The following SLIT2 variants were observed in gnomAD, a reference collection of about 807,000 sequenced individuals.
SLIT2 encodes the protein slit guidance ligand 2, also known as slit homolog 2 protein.
In SLIT2, 41 loss-of-function variants were observed where a neutral mutation model predicts 185.7. The ratio of observed to expected loss-of-function variants is 0.22; its 90% CI spans 0.17 to 0.29. The LOEUF (loss-of-function observed/expected upper bound fraction) is 0.29, where lower values mean the gene tolerates loss of function less well. Among genes scored for constraint, SLIT2 ranks in the 10% least tolerant of loss-of-function variants. The pLI is 1.00. For missense variants in SLIT2, 1,571 were observed against 1,909.0 expected (o/e 0.82, Z 3.30); for synonymous variants, 693 against 680.2 (o/e 1.02, Z -0.29).
chr4:20,553,735 TTGTG>T (rs3830489), intron 25 of SLIT2, 66 bp from the exon 26 acceptor site: 312 of 1,115,910 alleles, frequency 2.8e-4, no homozygotes, highest in South Asian at 5.2e-4. Flanking sequence ...ACTTCCATAC[TTGTG>T]TGTGTGTGTG....
intron 4 of SLIT2, among the ~76,000 whole-genome samples, chr4:20,387,830 C>T (rs551356960): frequency 6.6e-6 from 1 of 152,190 alleles, no homozygotes; most frequent in Non-Finnish European, 1.5e-5. Context: ...TCCCCTATGC[C>T]TCCAGTAGGG....
chr4:20,538,757 G>A (rs1424221547), intron 18 of SLIT2, among the ~76,000 whole-genome samples: 1 of 135,536 alleles, frequency 7.4e-6, no homozygotes, highest in East Asian at 2.2e-4. Context: ...TGACAATAGT[G>A]TTAATCCTAT....
At chr4:20,393,347 C>G (rs1246481284) in intron 4 of SLIT2, 4 of 152,062 alleles carry the variant, frequency 2.6e-5, no homozygotes, top group Admixed American at 1.3e-4. Context: ...CCATTCCCCC[C>G]AGAATCCTGA....
intron 5 of SLIT2, among the ~76,000 whole-genome samples, chr4:20,476,536 C>T (rs1033587269): frequency 1.3e-5 from 2 of 151,948 alleles, no homozygotes; most frequent in African/African-American, 4.8e-5. Context: ...TTGAGAGATC[C>T]AGATTGACTT....
At chr4:20,397,188 C>A (rs1264813455) in intron 4 of SLIT2, among the ~76,000 whole-genome samples, 1 of 151,694 alleles carries the variant, frequency 6.6e-6, no homozygotes, top group African/African-American at 2.4e-5. Context: ...GTGGGTAAGA[C>A]ACCCTGTGTA....
At chr4:20,319,326 T>C (rs759869001) in intron 4 of SLIT2, among the ~76,000 whole-genome samples, 3 of 152,178 alleles carry the variant, frequency 2.0e-5, no homozygotes, top group Non-Finnish European at 4.4e-5. Context: ...CTTGCAAATG[T>C]TATTTAAAAG....
At chr4:20,477,984 C>G (rs1357842051) in intron 5 of SLIT2, among the ~76,000 whole-genome samples, 1 of 152,056 alleles carries the variant, frequency 6.6e-6, no homozygotes, top group Non-Finnish European at 1.5e-5. Flanking sequence ...AGGGAGTGAG[C>G]AGGGTGAAAC....
intron 4 of SLIT2, among the ~76,000 whole-genome samples, chr4:20,403,484 A>C (rs1007748347): frequency 1.4e-4 from 22 of 151,960 alleles, no homozygotes; most frequent in African/African-American, 5.1e-4. Context: ...GGCTCCCTGT[A>C]GAATAACAGC....
At chr4:20,405,740 C>CA (rs970863615) in intron 4 of SLIT2, among the ~76,000 whole-genome samples, 60 of 150,268 alleles carry the variant, frequency 4.0e-4, no homozygotes, top group East Asian at 2.1e-3. Flanking sequence ...GCTAATTCTT[C>CA]AAAAAAAAAT....
intron 3 of SLIT2, among the ~76,000 whole-genome samples, chr4:20,266,153 C>A (rs980364880): frequency 6.6e-6 from 1 of 151,536 alleles, no homozygotes; most frequent in East Asian, 1.9e-4. Context: ...TTAGGAACCA[C>A]TGGGAATAAG....
At chr4:20,467,099 T>C (rs146231991) in intron 4 of SLIT2, among the ~76,000 whole-genome samples, 44 of 152,322 alleles carry the variant, frequency 2.9e-4, no homozygotes, top group African/African-American at 1.0e-3. Context: ...TTAAAATGTA[T>C]TTCTCAATTA....
intron 4 of SLIT2, among the ~76,000 whole-genome samples, chr4:20,320,352 T>C (rs1175635767): frequency 6.6e-6 from 1 of 152,132 alleles, no homozygotes; most frequent in Non-Finnish European, 1.5e-5. Flanking sequence ...GGTGTCATGG[T>C]GGAATCACTC....
chr4:20,415,724 C>A (rs1156491780), intron 4 of SLIT2, among the ~76,000 whole-genome samples: 1 of 152,166 alleles, frequency 6.6e-6, no homozygotes, highest in Non-Finnish European at 1.5e-5. Context: ...AGGGTCAGTG[C>A]ACTCTTTCCA....
intron 15 of SLIT2, among the ~76,000 whole-genome samples, chr4:20,526,790 A>T (rs1721334394): frequency 1.3e-5 from 2 of 152,182 alleles, no homozygotes. Context: ...ACTCAAAAGG[A>T]TCATTTGGGC....
At chr4:20,409,357 A>C (rs1378783559) in intron 4 of SLIT2, among the ~76,000 whole-genome samples, 4 of 152,176 alleles carry the variant, frequency 2.6e-5, no homozygotes, top group African/African-American at 9.7e-5. Flanking sequence ...TTTGCTGAGG[A>C]TAATGGCTTC....
intron 29 of SLIT2, among the ~76,000 whole-genome samples, chr4:20,579,976 T>TTATA (rs35738929): frequency 0.14 from 20,528 of 144,824 alleles, 1,835 homozygotes; most frequent in Non-Finnish European, 0.21. Context: ...ATAATATATA[T>TTATA]TATATATATA....
intron 4 of SLIT2, among the ~76,000 whole-genome samples, chr4:20,463,775 C>A (rs2148735254): frequency 6.7e-6 from 1 of 149,354 alleles, no homozygotes; most frequent in Non-Finnish European, 1.5e-5. Flanking sequence ...ACTTGGGAGG[C>A]TGAGGAAGGA....
intron 4 of SLIT2, among the ~76,000 whole-genome samples, chr4:20,397,899 G>A (rs941283812): frequency 2.0e-5 from 3 of 151,772 alleles, no homozygotes; most frequent in African/African-American, 4.8e-5. Context: ...CTAAGTAGAG[G>A]GAGAAGTCAA....
rs7685016 is a variant in SLIT2 at position 20,501,090 on chromosome 4, G to A, written c.914+9191G>A. ...ATGTCATTGTATGTGAATTTTTTAT[G>A]TAAACATCATTCATTATTATTTTTA... On this transcript the variant is annotated intron_variant, in intron 9 of 36. Coordinates refer to ENST00000504154, the MANE Select transcript of SLIT2 (RefSeq NM_004787.4). Among the ~76,000 whole-genome samples the A allele has an allele frequency of 7.8e-3, 1,185 of 152,084 alleles. 15 individuals carry two copies. Among genetic ancestry groups the A allele is most frequent in the African/African-American group, 0.027 (1,126 of 41,490 alleles).
Sources: allele counts gnomAD v4.1 joint callset (sites outside exome capture counted in the v4.1 genomes callset), GRCh38; gene constraint gnomAD v4.1.1; transcripts MANE v1.5; gene names NCBI Gene and HGNC (gene_info 2026-07-23, HGNC 2026-07-21).